GPC5: variants seen among roughly 807,000 people sequenced by gnomAD.
GPC5 encodes the protein glypican 5.
Under a neutral mutation model 53.9 loss-of-function variants are expected in GPC5, and 47 were observed. The observed-to-expected ratio is 0.87, with a 90% confidence interval of 0.69 to 1.11. The LOEUF is 1.11. Ranked by LOEUF, GPC5 falls within the 50% of genes most tolerant of loss-of-function variation. The pLI, the probability that GPC5 is intolerant of heterozygous loss-of-function variation, is 0.00. For missense variants in GPC5, 748 were observed against 713.1 expected (o/e 1.05, Z -0.56); for synonymous variants, 286 against 263.3 (o/e 1.09, Z -0.84).
At position 92,316,012 on chromosome 13, in the gene GPC5, C is replaced by T. The variant is rs536066664; in HGVS notation, c.1561+171023C>T. Among the ~76,000 whole-genome samples, 10 of 152,260 alleles carry T rather than the reference C, an allele frequency of 6.6e-5. No homozygotes were observed. The East Asian group carries it at 1.9e-3, about 29-fold the overall frequency. ...ATATTTAAATAATTCCCCACTTTAA[C>T]TGACTTCAACTAATTGACTACAGGT... On this transcript the variant is annotated intron_variant, in intron 7 of 7. Transcript: ENST00000377067.
chr13:91,768,710 A>C (rs1191213918), intron 5 of GPC5, among the ~76,000 whole-genome samples: 3 of 152,216 alleles, frequency 2.0e-5, no homozygotes, highest in Non-Finnish European at 4.4e-5. Context: ...AATACGGTTA[A>C]ATTATTTGGT....
intron 7 of GPC5, among the ~76,000 whole-genome samples, chr13:92,362,663 T>C (rs2139283498): frequency 6.6e-6 from 1 of 151,904 alleles, no homozygotes; most frequent in East Asian, 1.9e-4. Flanking sequence ...TTGATGGCCC[T>C]TTGGTTTCTC....
At chr13:91,715,800 CTG>C (rs1555340542) in intron 3 of GPC5, among the ~76,000 whole-genome samples, 1 of 145,852 alleles carries the variant, frequency 6.9e-6, no homozygotes, top group South Asian at 2.2e-4. Context: ...CTCTCTCTCT[CTG>C]TGTGTGTGTC....
chr13:92,159,590 G>GTTTT (rs2041971034), intron 7 of GPC5, among the ~76,000 whole-genome samples: 4 of 61,594 alleles, frequency 6.5e-5, no homozygotes, highest in Non-Finnish European at 1.0e-4. Context: ...TAATACCAAT[G>GTTTT]TTCTTTTTTT....
chr13:92,473,829 T>C (rs1054597712), intron 7 of GPC5, among the ~76,000 whole-genome samples: 1 of 152,124 alleles, frequency 6.6e-6, no homozygotes, highest in African/African-American at 2.4e-5. Context: ...ATTATTCATG[T>C]ACTGAGGGAA....
chr13:92,342,772 C>T (rs1184360649), intron 7 of GPC5, among the ~76,000 whole-genome samples: 1 of 152,080 alleles, frequency 6.6e-6, no homozygotes, highest in Admixed American at 6.6e-5. Flanking sequence ...CATTAATTCT[C>T]ATTGTTTTTA....
At position 92,605,576 on chromosome 13, in the gene GPC5, G is replaced by GTTTTTTTTTT. The variant is rs55887927; in HGVS notation, c.1562-260699_1562-260690dup. ...AATAAATGAGCAGCCGTATTCACTAGTTTTTTTTTTTTTTTTATTTTTTTG... is the reference window on the plus strand; with the variant it reads ...AATAAATGAGCAGCCGTATTCACTAGTTTTTTTTTTTTTTTTTTTTTTTTTTATTTTTTTG... On this transcript the variant is annotated intron_variant, in intron 7 of 7. Transcript: ENST00000377067. Among the ~76,000 whole-genome samples the GTTTTTTTTTT allele has an allele frequency of 1.3e-4, 18 of 139,680 alleles. 2 individuals carry two copies. Among genetic ancestry groups the GTTTTTTTTTT allele is most frequent in the Middle Eastern group, 4.0e-3 (1 of 250 alleles). 91.6% of individuals were successfully genotyped at this position (139,680 alleles called of 152,430 possible). A position where few individuals can be genotyped will look rare whatever the true frequency, so the allele number is the denominator to read the frequency against.
Position 91,749,488 on chromosome 13 carries a change from C to T in GPC5, c.1155-6807C>T, listed in dbSNP as rs117204564. ...TGTGAATAGTGCTGCGATAAACATA[C>T]GACTACAGGTATCTTTTGATATAAT... On this transcript the variant is annotated intron_variant, in intron 4 of 7. Coordinates refer to ENST00000377067, the MANE Select transcript of GPC5 (RefSeq NM_004466.6). Among the ~76,000 whole-genome samples the T allele has an allele frequency of 7.2e-3, 1,092 of 152,204 alleles. 14 individuals carry two copies. Among genetic ancestry groups the T allele is most frequent in the Non-Finnish European group, 1.0e-2 (679 of 68,018 alleles).
chr13:92,474,120 T>A (rs79668465), intron 7 of GPC5, among the ~76,000 whole-genome samples: 7,948 of 150,886 alleles, frequency 0.053, 500 homozygotes, highest in East Asian at 0.37. Flanking sequence ...GGATATGTGT[T>A]GCTTTCAAAT....
intron 2 of GPC5, among the ~76,000 whole-genome samples, chr13:91,594,622 TTTTTG>T (rs2032923028): frequency 2.6e-5 from 1 of 38,176 alleles, no homozygotes; most frequent in Non-Finnish European, 1.9e-4. Flanking sequence ...TTTCTTTTTC[TTTTTG>T]TTTTTTTTTC....
At chr13:92,183,061 G>A (rs540354368) in intron 7 of GPC5, among the ~76,000 whole-genome samples, 1 of 152,106 alleles carries the variant, frequency 6.6e-6, no homozygotes, top group Admixed American at 6.6e-5. Context: ...TTTTATTCCA[G>A]TTTTAATAGA....
intron 6 of GPC5, among the ~76,000 whole-genome samples, chr13:92,092,017 C>G (rs2041385071): frequency 6.6e-6 from 1 of 152,150 alleles, no homozygotes; most frequent in Non-Finnish European, 1.5e-5. Context: ...TAATATCTAT[C>G]TATCTAGCTA....
At chr13:92,510,650 G>C (rs1201909747) in intron 7 of GPC5, among the ~76,000 whole-genome samples, 1 of 152,146 alleles carries the variant, frequency 6.6e-6, no homozygotes, top group Admixed American at 6.5e-5. Context: ...CCATCTGTAG[G>C]AACTGGTATT....
chr13:92,322,941 G>T (rs2043225671), intron 7 of GPC5, among the ~76,000 whole-genome samples: 1 of 151,960 alleles, frequency 6.6e-6, no homozygotes, highest in African/African-American at 2.4e-5. Context: ...CCCTCTACCT[G>T]TCAGGGAAAG....
chr13:92,850,256 A>G (rs1030039927), intron 7 of GPC5, among the ~76,000 whole-genome samples: 31 of 152,226 alleles, frequency 2.0e-4, no homozygotes, highest in African/African-American at 7.0e-4. Context: ...CCCTCACAGC[A>G]TTGAGGAAAG....
At chr13:92,701,137 CTAATT>C (rs1432138565) in intron 7 of GPC5, among the ~76,000 whole-genome samples, 1 of 151,966 alleles carries the variant, frequency 6.6e-6, no homozygotes, top group Non-Finnish European at 1.5e-5. Context: ...AAACATGTGT[CTAATT>C]TATTTTTGTC....
At chr13:92,319,147 T>C (rs1266344986) in intron 7 of GPC5, among the ~76,000 whole-genome samples, 1 of 152,100 alleles carries the variant, frequency 6.6e-6, no homozygotes, top group Non-Finnish European at 1.5e-5. Context: ...CCAGGTTGCT[T>C]TGAGTCAGAA....
At chr13:91,937,921 T>C (rs871490) in intron 6 of GPC5, among the ~76,000 whole-genome samples, 52,614 of 151,822 alleles carry the variant, frequency 0.35, 11,260 homozygotes, top group East Asian at 0.64. Flanking sequence ...CCCCCTTATA[T>C]TGGTAACACA....
At chr13:92,289,485 CT>C (rs1302001822) in intron 7 of GPC5, among the ~76,000 whole-genome samples, 1 of 151,924 alleles carries the variant, frequency 6.6e-6, no homozygotes, top group Non-Finnish European at 1.5e-5. Flanking sequence ...CATTTAATAA[CT>C]TTTAAAATAA....
Sources: allele counts gnomAD v4.1 joint callset (sites outside exome capture counted in the v4.1 genomes callset), GRCh38; gene constraint gnomAD v4.1.1; transcripts MANE v1.5; gene names NCBI Gene and HGNC (gene_info 2026-07-23, HGNC 2026-07-21).